The following FAM13A variants were observed in gnomAD, a reference collection of about 807,000 sequenced individuals.
FAM13A encodes family with sequence similarity 13 member A, also known as protein FAM13A.
A neutral mutation model predicts 129.6 loss-of-function variants in FAM13A; 76 were observed. That is an observed-to-expected ratio of 0.59 (90% CI 0.49 to 0.71). FAM13A has a LOEUF of 0.71. FAM13A is among the 30% of genes least tolerant of loss of function. The pLI is 0.00. For missense variants in FAM13A, 1,108 were observed against 1,249.3 expected, an observed-to-expected ratio of 0.89 and a Z score of 1.70; for synonymous variants, 443 against 449.9, an observed-to-expected ratio of 0.98 and a Z score of 0.20.
intron 3 of FAM13A, among the ~76,000 whole-genome samples, chr4:89,007,048 G>A (rs1442957872): frequency 1.3e-5 from 2 of 152,102 alleles, no homozygotes; most frequent in African/African-American, 4.8e-5. Context: ...CTAATTTAGG[G>A]TCATGGGTCC....
At chr4:89,049,272 A>G (rs1771247496) in intron 1 of FAM13A, among the ~76,000 whole-genome samples, 1 of 152,170 alleles carries the variant, frequency 6.6e-6, no homozygotes, top group Non-Finnish European at 1.5e-5. Flanking sequence ...CAAAAAAAAA[A>G]AATTACCAAG....
At chr4:88,757,744 A>G (rs902832141) in intron 14 of FAM13A, among the ~76,000 whole-genome samples, 15 of 152,106 alleles carry the variant, frequency 9.9e-5, no homozygotes, top group African/African-American at 3.1e-4. Flanking sequence ...AATGGGGTTT[A>G]CTCTTTTTCA....
intron 5 of FAM13A, among the ~76,000 whole-genome samples, chr4:88,922,461 TA>T (rs1751285980): frequency 6.6e-6 from 1 of 151,870 alleles, no homozygotes; most frequent in Non-Finnish European, 1.5e-5. Context: ...ACTGGGTACA[TA>T]ACGAAATGAA....
chr4:88,823,027 G>A (rs760263184), intron 7 of FAM13A: 24 of 1,613,388 alleles, frequency 1.5e-5, no homozygotes, highest in Admixed American at 3.3e-5. Context: ...ATTTGCAAGG[G>A]AATCTCACAA....
rs1462194326 is a variant in FAM13A at position 88,758,177 on chromosome 4, G to GA, written c.1726+576dup. On this transcript the variant is annotated intron_variant, in intron 14 of 23. Coordinates refer to ENST00000264344, the MANE Select transcript of FAM13A (RefSeq NM_014883.4). ...TAATGTTTTCACCAAAAGTCTCTAGGAAAAAAAACCAATCTAAAGCACTCA... is the reference window on the plus strand; with the variant it reads ...TAATGTTTTCACCAAAAGTCTCTAGGAAAAAAAAACCAATCTAAAGCACTCA... Among the ~76,000 whole-genome samples, 4 of 151,490 alleles carry GA rather than the reference G, an allele frequency of 2.6e-5. No individual in the cohort carries two copies. The East Asian group carries it at 7.8e-4, about 29-fold the overall frequency.
At chr4:88,823,396 C>A (rs1467780616) in intron 7 of FAM13A, 6 of 901,352 alleles carry the variant, frequency 6.7e-6, no homozygotes, top group Non-Finnish European at 8.1e-6. Context: ...TCCTCCTTCT[C>A]TCCTCCTGCT....
intron 7 of FAM13A, among the ~76,000 whole-genome samples, chr4:88,810,555 G>C (rs1209896803): frequency 1.3e-5 from 2 of 152,060 alleles, no homozygotes; most frequent in Admixed American, 1.3e-4. Context: ...CTAGGGAAGA[G>C]GCCTGGAACA....
At chr4:89,007,935 T>G (rs780859174) in intron 3 of FAM13A, among the ~76,000 whole-genome samples, 4 of 152,184 alleles carry the variant, frequency 2.6e-5, no homozygotes, top group Non-Finnish European at 5.9e-5. Context: ...CATCAGTCAC[T>G]CGAACAAGTA....
chr4:89,050,860 G>A (rs72665891), intron 1 of FAM13A, among the ~76,000 whole-genome samples: 37,601 of 151,894 alleles, frequency 0.25, 4,745 homozygotes, highest in Non-Finnish European at 0.28. Flanking sequence ...CTCAGGAGGC[G>A]GAGGTTAGAG....
rs146236949 is a variant in FAM13A, at chr4:88,997,440, A to G, written c.428-6290T>C. Among the ~76,000 whole-genome samples the G allele has an allele frequency of 1.3e-4, 20 of 152,306 alleles. No individual in the cohort carries two copies. The East Asian group carries it at 3.9e-3, about 29-fold the overall frequency. ...GCTAAAATTCAAACATTCAACTAGC[A>G]CAGTATACATAGCATACAGACAAAT... On this transcript the variant is annotated intron_variant, in intron 3 of 23. Coordinates refer to ENST00000264344, the MANE Select transcript of FAM13A (RefSeq NM_014883.4).
chr4:89,041,512 A>G (rs1470410024), intron 1 of FAM13A, among the ~76,000 whole-genome samples: 4 of 152,216 alleles, frequency 2.6e-5, no homozygotes, highest in Non-Finnish European at 4.4e-5. Context: ...CAATAATGGA[A>G]CACTAGGCAT....
chr4:88,757,746 T>C (rs1049022296), intron 14 of FAM13A, among the ~76,000 whole-genome samples: 2 of 152,210 alleles, frequency 1.3e-5, no homozygotes, highest in Non-Finnish European at 2.9e-5. Context: ...TGGGGTTTAC[T>C]CTTTTTCACC....
At chr4:89,056,907 A>G in intron 1 of FAM13A, 31 bp downstream of exon 1, 3 of 1,606,028 alleles carry the variant, frequency 1.9e-6, no homozygotes. Flanking sequence ...CTGGCAGTAA[A>G]CACAGAAGAC....
At chr4:88,868,238 T>C (rs757352940) in intron 6 of FAM13A, among the ~76,000 whole-genome samples, 30 of 152,174 alleles carry the variant, frequency 2.0e-4, no homozygotes, top group Non-Finnish European at 3.5e-4. Flanking sequence ...GCCCCAACAT[T>C]ATCTTAAAAT....
At chr4:88,732,254 C>A (rs1048582581) in intron 21 of FAM13A, 56 bp from the exon 22 acceptor site, 2 of 1,239,424 alleles carry the variant, frequency 1.6e-6, no homozygotes, top group African/African-American at 1.5e-5. Flanking sequence ...GGCAGACTTT[C>A]ATTACAAGTA....
At chr4:88,737,282 C>T (rs531363728) in intron 21 of FAM13A, among the ~76,000 whole-genome samples, 190 bp downstream of exon 21, 5 of 152,228 alleles carry the variant, frequency 3.3e-5, no homozygotes, top group African/African-American at 7.2e-5. Context: ...CTAAATGGAA[C>T]TGGAGAAATT....
At chr4:88,857,226 A>T (rs942643709) in intron 6 of FAM13A, among the ~76,000 whole-genome samples, 15 of 152,238 alleles carry the variant, frequency 9.9e-5, no homozygotes, top group Non-Finnish European at 1.8e-4. Context: ...TTAAAATCTC[A>T]TCTTGATCCA....
chr4:88,857,033 A>G (rs1738644068), intron 6 of FAM13A, among the ~76,000 whole-genome samples: 2 of 152,240 alleles, frequency 1.3e-5, no homozygotes, highest in Admixed American at 1.3e-4. Flanking sequence ...CCTCATAGAT[A>G]ATTTAATGAA....
At chr4:88,743,423 T>C (rs1180404949) in intron 19 of FAM13A, among the ~76,000 whole-genome samples, 1 of 152,222 alleles carries the variant, frequency 6.6e-6, no homozygotes, top group South Asian at 2.1e-4. Flanking sequence ...AATGAACATA[T>C]TCACTTTAAA....
Sources: gnomAD v4.1 joint callset for allele counts (sites outside exome capture counted in the v4.1 genomes callset) on GRCh38, gnomAD v4.1.1 for gene constraint, MANE v1.5 for transcripts, NCBI Gene and HGNC (gene_info 2026-07-23, HGNC 2026-07-21) for gene names.